The following PHF14 variants were observed in gnomAD, a reference collection of about 807,000 sequenced individuals.
PHF14 encodes the protein PHD finger protein 14.
In PHF14, 55 loss-of-function variants were observed where a neutral mutation model predicts 117.9. The ratio of observed to expected loss-of-function variants is 0.47; its 90% CI spans 0.38 to 0.58. The LOEUF is 0.58. Among genes scored for constraint, PHF14 ranks in the 20% least tolerant of loss-of-function variants. The pLI is 0.00. For synonymous variants in PHF14, 409 were observed against 368.6 expected (o/e 1.11, Z -1.26); for missense variants, 978 against 1,122.2 (o/e 0.87, Z 1.84).
intron 17 of PHF14, among the ~76,000 whole-genome samples, chr7:11,132,485 AT>A (rs1356493447): frequency 1.3e-5 from 2 of 151,358 alleles, no homozygotes; most frequent in African/African-American, 4.8e-5. Context: ...TTCTTTACCC[AT>A]TTGTCTGTTA....
intron 5 of PHF14, among the ~76,000 whole-genome samples, chr7:11,018,653 G>A (rs1018286100): frequency 2.6e-5 from 4 of 152,038 alleles, no homozygotes; most frequent in African/African-American, 9.7e-5. Flanking sequence ...AGGTCTTTAG[G>A]TTTTTCCAAA....
At chr7:11,076,254 T>C (rs1785845560) in intron 16 of PHF14, among the ~76,000 whole-genome samples, 1 of 152,244 alleles carries the variant, frequency 6.6e-6, no homozygotes, top group Non-Finnish European at 1.5e-5. Context: ...GGTAAAACTT[T>C]CTTTGATAAA....
intron 2 of PHF14, among the ~76,000 whole-genome samples, chr7:10,979,756 A>C (rs1435867541): frequency 6.6e-6 from 1 of 152,036 alleles, no homozygotes; most frequent in Admixed American, 6.6e-5. Context: ...TAATTAGATG[A>C]AGAAGTTATT....
At chr7:11,155,926 T>G (rs1463641273) in intron 17 of PHF14, among the ~76,000 whole-genome samples, 1 of 152,186 alleles carries the variant, frequency 6.6e-6, no homozygotes, top group Non-Finnish European at 1.5e-5. Context: ...ATTTTGTCCT[T>G]ATGTTTTATA....
intron 17 of PHF14, among the ~76,000 whole-genome samples, chr7:11,124,424 G>T (rs1439670617): frequency 6.6e-6 from 1 of 151,980 alleles, no homozygotes; most frequent in African/African-American, 2.4e-5. Flanking sequence ...TACTTTTAAT[G>T]TAATGACTAG....
chr7:11,112,719 C>T (rs1038945358), intron 17 of PHF14, among the ~76,000 whole-genome samples: 4 of 151,418 alleles, frequency 2.6e-5, no homozygotes, highest in South Asian at 4.2e-4. Context: ...TGCAGTGAAC[C>T]GAGATCACGC....
At chr7:11,077,188 A>G (rs1291806257) in intron 16 of PHF14, among the ~76,000 whole-genome samples, 1 of 152,092 alleles carries the variant, frequency 6.6e-6, no homozygotes, top group African/African-American at 2.4e-5. Context: ...TGTCTTAAAG[A>G]TCAACACATA....
intron 16 of PHF14, chr7:11,063,575 G>A: frequency 1.0e-6 from 1 of 966,548 alleles, no homozygotes; most frequent in Non-Finnish European, 1.2e-6. Context: ...ACCTGTATGA[G>A]TATCTACTGT....
chr7:10,989,321 G>A (rs1480006942), intron 3 of PHF14, among the ~76,000 whole-genome samples: 1 of 151,830 alleles, frequency 6.6e-6, no homozygotes, highest in Non-Finnish European at 1.5e-5. Context: ...TTTGGATATT[G>A]GTTGAGTTTA....
chr7:11,166,380 T>C (rs1789202820), intron 17 of PHF14, among the ~76,000 whole-genome samples: 1 of 152,082 alleles, frequency 6.6e-6, no homozygotes, highest in Non-Finnish European at 1.5e-5. Context: ...TTACCTATAA[T>C]ATCCAGTAGT....
chr7:11,142,392 T>A (rs1788425490), intron 17 of PHF14, among the ~76,000 whole-genome samples: 1 of 152,046 alleles, frequency 6.6e-6, no homozygotes, highest in South Asian at 2.1e-4. Flanking sequence ...GAATAAATAT[T>A]TATGTTTTAT....
intron 3 of PHF14, among the ~76,000 whole-genome samples, chr7:10,984,563 A>G (rs527381596): frequency 1.3e-5 from 2 of 152,258 alleles, no homozygotes; most frequent in South Asian, 2.1e-4. Context: ...AATACTCTAT[A>G]TATAATGAAT....
At chr7:10,995,299 C>G (rs1782598937) in intron 4 of PHF14, among the ~76,000 whole-genome samples, 1 of 151,428 alleles carries the variant, frequency 6.6e-6, no homozygotes, top group Non-Finnish European at 1.5e-5. Context: ...TCTCCAAGTC[C>G]CCACCAGATT....
At chr7:11,059,865 TTTTTA>T (rs947462555) in intron 14 of PHF14, among the ~76,000 whole-genome samples, 2 of 152,116 alleles carry the variant, frequency 1.3e-5, no homozygotes, top group African/African-American at 4.8e-5. Flanking sequence ...TTTTGTCAAA[TTTTTA>T]TTTTATTTTA....
At chr7:11,123,048 G>T (rs554165837) in intron 17 of PHF14, among the ~76,000 whole-genome samples, 2 of 152,016 alleles carry the variant, frequency 1.3e-5, no homozygotes, top group South Asian at 4.1e-4. Flanking sequence ...TCTCTCCTGC[G>T]TTTGCCTTTT....
chr7:11,079,662 C>G (rs759140431), intron 16 of PHF14, among the ~76,000 whole-genome samples: 2 of 150,004 alleles, frequency 1.3e-5, no homozygotes, highest in African/African-American at 2.5e-5. Flanking sequence ...GCACTAAATT[C>G]TATAATATGA....
In PHF14 at chr7:11,103,334, A is replaced by G. The variant is rs1036330440; in HGVS notation, c.2655-8016A>G. On this transcript the variant is annotated intron_variant, in intron 16 of 17. Transcript: ENST00000634607. ...ATATAAGCTTTCTGTGTTCAGTATA[A>G]TTTTATTTTTCTCAACCTTAAATAT... 1.4e-5 allele frequency: 13 copies of G among 916,096 alleles called. No individual in the cohort carries two copies. In the African/African-American group the frequency reaches 2.3e-4, roughly 16 times the overall value. The allele number at this position is 916,096 out of a possible 1,614,324, so 56.7% of individuals were successfully genotyped here.
At chr7:11,151,923 T>C (rs912128654) in intron 17 of PHF14, among the ~76,000 whole-genome samples, 1 of 152,188 alleles carries the variant, frequency 6.6e-6, no homozygotes, top group Non-Finnish European at 1.5e-5. Flanking sequence ...ATTTTTCCAA[T>C]ATACATTTTT....
At chr7:11,162,279 G>C (rs563161113) in intron 17 of PHF14, among the ~76,000 whole-genome samples, 2 of 151,524 alleles carry the variant, frequency 1.3e-5, no homozygotes, top group Non-Finnish European at 2.9e-5. Flanking sequence ...TAGTGGAGAC[G>C]GGGTTTCTCC....
Sources: gnomAD v4.1 joint callset for allele counts (sites outside exome capture counted in the v4.1 genomes callset) on GRCh38, gnomAD v4.1.1 for gene constraint, MANE v1.5 for transcripts, NCBI Gene and HGNC (gene_info 2026-07-23, HGNC 2026-07-21) for gene names.